SNED1: variants seen among roughly 807,000 people sequenced by gnomAD.
The protein encoded by SNED1 is sushi, nidogen and EGF like domains 1.
A neutral mutation model predicts 166.7 loss-of-function variants in SNED1; 81 were observed. The ratio of observed to expected loss-of-function variants is 0.49; its 90% confidence interval spans 0.41 to 0.58. SNED1 has a LOEUF of 0.58. Among genes scored for constraint, SNED1 ranks in the 20% least tolerant of loss-of-function variants. The pLI, the probability that SNED1 is intolerant of heterozygous loss-of-function variation, is 0.00. For missense variants in SNED1, 1,604 were observed against 2,000.2 expected (o/e 0.80, Z 3.78); for synonymous variants, 762 against 822.0 (o/e 0.93, Z 1.25).
intron 4 of SNED1, among the ~76,000 whole-genome samples, chr2:241,035,884 G>A (rs1185288055): frequency 1.8e-5 from 2 of 112,862 alleles, no homozygotes; most frequent in Admixed American, 8.7e-5. Context: ...GGGAGGTGGG[G>A]GCGTGCCATG....
chr2:241,033,651 C>G (rs780077255), intron 2 of SNED1, 84 bp from the exon 3 acceptor site: 59 of 1,434,682 alleles, frequency 4.1e-5, no homozygotes, highest in Non-Finnish European at 5.3e-5. Context: ...TGGACAATGA[C>G]AGTGCACCAG....
At position 241,052,600 on chromosome 2, in the gene SNED1, T is replaced by C. The variant is rs546523313; in HGVS notation, c.2083+132T>C. The C allele has an allele frequency of 2.8e-4, 178 of 625,034 alleles. 11 individuals are homozygous for C. The East Asian group carries it at 4.4e-3, about 15-fold the overall frequency. The allele number at this position is 625,034 out of a possible 1,614,324, so 38.7% of individuals were successfully genotyped here. On this transcript the variant is annotated intron_variant, in intron 15 of 31. Transcript: ENST00000310397. ...GAGAGGGCCAGGGGGCCAAGCAGGA[T>C]ATATGGGATACCAGTGCCAGGCAGG... is the stretch of plus-strand genomic sequence containing the variant.
chr2:241,036,859 A>AC lies in SNED1; in HGVS notation c.879dup (p.Ser294LeufsTer54). On this transcript the variant is annotated frameshift_variant, in exon 5 of 32. Coordinates refer to ENST00000310397, the MANE Select transcript of SNED1 (RefSeq NM_001080437.3). LOFTEE classifies it high-confidence loss of function. The stretch of plus-strand genomic sequence containing the variant: ...TGCATCGACGACTGCGTCACGGGCA[A>AC]CCCCTCCTACACCTGCTCCTGCCTC... 1 of 1,611,154 alleles carries AC rather than the reference A, an allele frequency of 6.2e-7. No homozygotes were observed. The highest frequency in any genetic ancestry group is 1.1e-5 in the South Asian group (1 of 91,024).
intron 24 of SNED1, chr2:241,071,318 A>G: frequency 1.8e-6 from 1 of 568,378 alleles, no homozygotes; most frequent in South Asian, 2.1e-5. Context: ...GCCCTGCCTC[A>G]TGACTCCCAG....
chr2:241,062,798 T>A lies in SNED1; in HGVS notation c.2265T>A (p.Asp755Glu). Residue 755 changes from aspartate (D) to glutamate (E), a missense_variant, in exon 17 of 32, where the codon GAT becomes GAA. By Grantham distance (45) the Asp-to-Glu change is conservative. This residue lies in a region of SNED1 where 1,237 missense variants were observed against 1,620.8 expected (regional missense o/e 0.76). Coordinates refer to ENST00000310397, the MANE Select transcript of SNED1 (RefSeq NM_001080437.3). ...WSEPPQCLEI[D>E]ECRSQPCLHG... ...TGGGCTCTCTCCTCTCAGAAATCGA[T>A]GAGTGCCGGTCTCAGCCGTGCCTGC... 1 of 1,608,846 alleles carries A rather than the reference T, an allele frequency of 6.2e-7. No homozygotes were observed. The highest frequency in any genetic ancestry group is 8.5e-7 in the Non-Finnish European group (1 of 1,177,338).
At chr2:241,022,968 C>T (rs1348702974) in intron 1 of SNED1, among the ~76,000 whole-genome samples, 1 of 152,170 alleles carries the variant, frequency 6.6e-6, no homozygotes, top group Non-Finnish European at 1.5e-5. Context: ...TGATCACTCT[C>T]ACCAGAGGTT....
In SNED1 at chr2:241,051,871, C is replaced by T; in HGVS notation, c.1852+11C>T. On this transcript the variant is annotated intron_variant, in intron 13 of 31. Coordinates refer to ENST00000310397, the MANE Select transcript of SNED1 (RefSeq NM_001080437.3). This position sits in a 1 kb window ranked among gnomAD's most constrained non-coding sequence, Gnocchi z 4.7. ...GGCACTGTGAGATCGGTGCGGCCCC[C>T]AGGGGCAGGGGGGAGGGCAGGAACG... is the stretch of plus-strand genomic sequence containing the variant. 1 of 1,528,134 alleles carries T rather than the reference C, an allele frequency of 6.5e-7. No homozygotes were observed. Among genetic ancestry groups the T allele is most frequent in the Non-Finnish European group, 8.8e-7 (1 of 1,133,740 alleles). 94.7% of individuals were successfully genotyped at this position (1,528,134 alleles called of 1,614,324 possible).
intron 16 of SNED1, among the ~76,000 whole-genome samples, chr2:241,062,584 T>G (rs1052673887): frequency 6.6e-6 from 1 of 152,192 alleles, no homozygotes; most frequent in African/African-American, 2.4e-5. Context: ...AAGCCCGCCC[T>G]GCTGCTTCAC....
intron 1 of SNED1, among the ~76,000 whole-genome samples, chr2:241,024,115 G>C (rs1192917950): frequency 6.6e-6 from 1 of 150,796 alleles, no homozygotes; most frequent in East Asian, 1.9e-4. Flanking sequence ...TCAAACTCCT[G>C]ACCTCAAGTG....
chr2:241,027,687 G>A (rs2061016881), intron 1 of SNED1, among the ~76,000 whole-genome samples: 1 of 151,362 alleles, frequency 6.6e-6, no homozygotes, highest in South Asian at 2.1e-4. Flanking sequence ...AGTGCACAAG[G>A]GTTCCAATTT....
chr2:241,063,198 C>G (rs2062299056), intron 17 of SNED1, among the ~76,000 whole-genome samples: 1 of 152,216 alleles, frequency 6.6e-6, no homozygotes, highest in African/African-American at 2.4e-5. Context: ...GTCGGTGCTT[C>G]CAGCCAGTGG....
At position 241,013,841 on chromosome 2, in the gene SNED1, A is replaced by G. The variant is rs766757976; in HGVS notation, c.213+14791A>G. On this transcript the variant is annotated intron_variant, in intron 1 of 31. Transcript: ENST00000310397. The surrounding 1 kb of genome is among the most constrained non-coding windows in gnomAD (Gnocchi z 4.6). Reference sequence around the variant, plus strand: ...TTGTTTATCCATTCATCCGTCAGCAAACACTTAGGTTGAGTCTATATCTTG... The same window carrying G: ...TTGTTTATCCATTCATCCGTCAGCAGACACTTAGGTTGAGTCTATATCTTG... Among the ~76,000 whole-genome samples the G allele has an allele frequency of 2.8e-4, 42 of 152,254 alleles. No individual in the cohort carries two copies. Among genetic ancestry groups the G allele is most frequent in the South Asian group, 1.5e-3 (7 of 4,824 alleles).
At chr2:241,058,679 G>A (rs1010193419) in intron 16 of SNED1, among the ~76,000 whole-genome samples, 2 of 152,190 alleles carry the variant, frequency 1.3e-5, no homozygotes, top group East Asian at 1.9e-4. Context: ...GGCCGGGCGC[G>A]GTGGCTCATG....
chr2:241,074,807 C>T (rs2062943233), intron 27 of SNED1: 1 of 152,166 alleles, frequency 6.6e-6, no homozygotes, highest in Admixed American at 6.5e-5. Flanking sequence ...AAATCAAGAA[C>T]CCAACCTATA....
intron 16 of SNED1, among the ~76,000 whole-genome samples, chr2:241,054,389 G>A (rs528608037): frequency 6.6e-6 from 1 of 152,246 alleles, no homozygotes; most frequent in African/African-American, 2.4e-5. Context: ...GCAACATAGG[G>A]AGACCTCATC....
rs567146762 is a variant in SNED1, at chr2:241,068,710, G to A, written c.3195-201G>A. 1.8e-4 allele frequency among the ~76,000 whole-genome samples: 28 copies of A among 152,172 alleles called. 1 individual carries two copies. The highest frequency in any genetic ancestry group is 3.4e-3 in the Middle Eastern group (1 of 294). On this transcript the variant is annotated intron_variant, in intron 22 of 31. Coordinates refer to ENST00000310397, the MANE Select transcript of SNED1 (RefSeq NM_001080437.3). This position sits in a 1 kb window ranked among gnomAD's most constrained non-coding sequence, Gnocchi z 5.3. ...CGCACCCGATCCTCCTCCGCTGCCC[G>A]GACTATGGGTTGGCTTCCCGCCCTA...
chr2:241,001,327 T>G (rs1052848196), intron 1 of SNED1, among the ~76,000 whole-genome samples: 2 of 152,252 alleles, frequency 1.3e-5, no homozygotes, highest in East Asian at 1.9e-4. Flanking sequence ...GATGGGTGCT[T>G]CTTCTGTCTT....
At chr2:241,089,477 T>G in intron 31 of SNED1, 1 of 1,518,922 alleles carries the variant, frequency 6.6e-7, no homozygotes, top group African/African-American at 1.4e-5. Context: ...CCACACCCCC[T>G]TGGGGGAAAG....
rs1395043320 is a variant in SNED1, at chr2:240,999,348, G to A, written c.213+298G>A. ...GCGTCTTCCCGGCGCCTGATTCCCAGGGGAGAGCAGGGGTCCTGGTACTGC... is the reference window on the plus strand; with the variant it reads ...GCGTCTTCCCGGCGCCTGATTCCCAAGGGAGAGCAGGGGTCCTGGTACTGC... On this transcript the variant is annotated intron_variant, in intron 1 of 31. Transcript: ENST00000310397. The surrounding 1 kb of genome is among the most constrained non-coding windows in gnomAD (Gnocchi z 5.8). Among the ~76,000 whole-genome samples, 1 of 152,074 alleles carries A rather than the reference G, an allele frequency of 6.6e-6. No individual in the cohort carries two copies. Among genetic ancestry groups the A allele is most frequent in the Admixed American group, 6.5e-5 (1 of 15,280 alleles).
Sources: allele counts gnomAD v4.1 joint callset (sites outside exome capture counted in the v4.1 genomes callset), GRCh38; gene constraint gnomAD v4.1.1; regional missense constraint gnomAD v4.1.1; non-coding constraint Gnocchi (gnomAD v3.1); transcripts MANE v1.5; gene names NCBI Gene and HGNC (gene_info 2026-07-23, HGNC 2026-07-21).